The following SEMA3E variants were observed in gnomAD, a reference collection of about 807,000 sequenced individuals.
The protein encoded by SEMA3E is semaphorin-3E.
A neutral mutation model predicts 93.6 loss-of-function variants in SEMA3E; 49 were observed. The ratio of observed to expected loss-of-function variants is 0.52; its 90% CI spans 0.42 to 0.66. The LOEUF (loss-of-function observed/expected upper bound fraction) is 0.66. Among genes scored for constraint, SEMA3E ranks in the 30% least tolerant of loss-of-function variants. The probability of loss-of-function intolerance (pLI) is 0.00; values close to 1 mark genes in which losing one functional copy is unlikely to be tolerated. For synonymous variants in SEMA3E, 363 were observed against 330.7 expected, an observed-to-expected ratio of 1.10 and a Z score of -1.06; for missense variants, 906 against 964.8, an observed-to-expected ratio of 0.94 and a Z score of 0.81.
intron 2 of SEMA3E, among the ~76,000 whole-genome samples, chr7:83,474,999 A>T (rs1004241697): frequency 6.7e-6 from 1 of 149,780 alleles, no homozygotes; most frequent in East Asian, 1.9e-4. Context: ...CATATTTATT[A>T]TATATATATA....
rs551859742 is a variant in SEMA3E at position 83,539,855 on chromosome 7, C to CTCTGTGTGTGTGTG, written c.116-49582_116-49581insCACACACACACAGA. 3.3e-5 allele frequency among the ~76,000 whole-genome samples: 4 copies of CTCTGTGTGTGTGTG among 122,752 alleles called. No individual in the cohort carries two copies. The East Asian group carries it at 1.1e-3, about 33-fold the overall frequency. 80.5% of individuals were successfully genotyped at this position (122,752 alleles called of 152,430 possible). A position where few individuals can be genotyped will look rare whatever the true frequency, so the allele number is the denominator to read the frequency against. ...ACTTTTTTGTTTTGTTTTGTTGTTT[C>CTCTGTGTGTGTGTG]TGTGTGTGTGTGTGTGTGTGTGTGT... On this transcript the variant is annotated intron_variant, in intron 1 of 16. Transcript: ENST00000643230.
In SEMA3E at chr7:83,599,700, T is replaced by C. The variant is rs180824531; in HGVS notation, c.115+48728A>G. 7.6e-4 allele frequency among the ~76,000 whole-genome samples: 115 copies of C among 152,258 alleles called. 1 individual carries two copies. The Middle Eastern group carries it at 0.01, about 14-fold the overall frequency. Reference sequence around the variant, plus strand: ...ATTAAAAATCATTAGAACTACAGAATGGTATGAGCAGAATAAACAAGCCTT... The same window carrying C: ...ATTAAAAATCATTAGAACTACAGAACGGTATGAGCAGAATAAACAAGCCTT... On this transcript the variant is annotated intron_variant, in intron 1 of 16. Transcript: ENST00000643230.
chr7:83,457,997 T>C (rs1278553154), intron 4 of SEMA3E, among the ~76,000 whole-genome samples: 1 of 152,040 alleles, frequency 6.6e-6, no homozygotes, highest in Non-Finnish European at 1.5e-5. Flanking sequence ...ATAAATCTCA[T>C]ACTGCTTTTA....
At chr7:83,554,916 G>T (rs1390230704) in intron 1 of SEMA3E, among the ~76,000 whole-genome samples, 1 of 152,002 alleles carries the variant, frequency 6.6e-6, no homozygotes, top group Non-Finnish European at 1.5e-5. Context: ...GGCGGAGCTT[G>T]CAGTGAGCCA....
At chr7:83,535,154 A>G (rs1791388501) in intron 1 of SEMA3E, among the ~76,000 whole-genome samples, 1 of 152,174 alleles carries the variant, frequency 6.6e-6, no homozygotes, top group Non-Finnish European at 1.5e-5. Context: ...TGGAATTTTT[A>G]ACTTCCTATC....
At chr7:83,603,188 T>G (rs1334589142) in intron 1 of SEMA3E, among the ~76,000 whole-genome samples, 2 of 152,070 alleles carry the variant, frequency 1.3e-5, no homozygotes, top group Non-Finnish European at 2.9e-5. Flanking sequence ...AATAAAGCAT[T>G]TAGAAAGGTA....
At position 83,367,996 on chromosome 7, in the gene SEMA3E, G is replaced by A. The variant is rs1246755098; in HGVS notation, c.1918C>T (p.Leu640Phe). The A allele has an allele frequency of 6.2e-6, 10 of 1,613,912 alleles. No individual in the cohort carries two copies. The highest frequency in any genetic ancestry group is 7.6e-6 in the Non-Finnish European group (9 of 1,179,982). The change falls in exon 17 of 17, where the codon CTC becomes TTC. Residue 640 changes from leucine (L) to phenylalanine (F), a missense_variant. By Grantham distance (22) the Leu-to-Phe change is conservative (BLOSUM62 0). Transcript: ENST00000643230. The stretch of plus-strand genomic sequence containing the variant: ...TCTGATTTGTGTAACCTTAGGAAGA[G>A]TAAACCAAGGTCCATCTTAACCACT... Reference protein sequence around the residue: ...DRVVKMDLGLLFLRLHKSDAG... With the variant: ...DRVVKMDLGLFFLRLHKSDAG...
At chr7:83,488,279 T>C (rs1790308161) in intron 2 of SEMA3E, among the ~76,000 whole-genome samples, 1 of 152,078 alleles carries the variant, frequency 6.6e-6, no homozygotes. Flanking sequence ...ATGAGCATTC[T>C]CTAGAGCTGA....
intron 16 of SEMA3E, among the ~76,000 whole-genome samples, chr7:83,380,110 T>C (rs1185433507): frequency 1.3e-5 from 2 of 151,886 alleles, no homozygotes; most frequent in Non-Finnish European, 2.9e-5. Flanking sequence ...CTTCTTCTCC[T>C]GTATTATTGG....
chr7:83,511,687 C>T (rs962256621), intron 1 of SEMA3E, among the ~76,000 whole-genome samples: 4 of 151,982 alleles, frequency 2.6e-5, no homozygotes, highest in African/African-American at 9.7e-5. Context: ...GGGTTCGAGA[C>T]CAGCCTGGCC....
intron 9 of SEMA3E, among the ~76,000 whole-genome samples, chr7:83,404,127 G>A (rs1346032001): frequency 1.3e-5 from 2 of 151,916 alleles, no homozygotes; most frequent in East Asian, 3.9e-4. Flanking sequence ...GCATAAGGGA[G>A]GAGATGAAGT....
chr7:83,409,446 G>A (rs1343621977), intron 5 of SEMA3E, among the ~76,000 whole-genome samples: 1 of 152,074 alleles, frequency 6.6e-6, no homozygotes, highest in Non-Finnish European at 1.5e-5. Flanking sequence ...GCAGATTGCT[G>A]GAAACAGCAA....
At chr7:83,469,135 G>T in intron 3 of SEMA3E, 108 bp downstream of exon 3, 1 of 848,578 alleles carries the variant, frequency 1.2e-6, no homozygotes, top group Non-Finnish European at 2.0e-6. Context: ...GAACCAAATT[G>T]CATACATACT....
At chr7:83,567,443 A>G (rs957903929) in intron 1 of SEMA3E, among the ~76,000 whole-genome samples, 7 of 152,170 alleles carry the variant, frequency 4.6e-5, no homozygotes, top group Admixed American at 3.3e-4. Context: ...TCCAACAGCT[A>G]CAAAATATAC....
At chr7:83,487,069 G>T (rs1286116467) in intron 2 of SEMA3E, among the ~76,000 whole-genome samples, 5 of 151,976 alleles carry the variant, frequency 3.3e-5, no homozygotes, top group Admixed American at 1.3e-4. Flanking sequence ...CCCTTATATA[G>T]TTTTCACAGG....
In SEMA3E at chr7:83,394,326, T is replaced by C. The variant is rs1315766252; in HGVS notation, c.1471A>G (p.Ile491Val). 6.2e-7 allele frequency: 1 copy of C among 1,613,084 alleles called. No homozygotes were observed. Among genetic ancestry groups the C allele is most frequent in the African/African-American group, 1.3e-5 (1 of 74,964 alleles). The change falls in exon 13 of 17, where the codon ATT becomes GTT. Residue 491 changes from isoleucine to valine, a missense_variant. By Grantham distance (29) the Ile-to-Val change is conservative. Coordinates refer to ENST00000643230, the MANE Select transcript of SEMA3E (RefSeq NM_012431.3). Reference sequence around the variant, plus strand: ...TTTGAAGAAATCTCCATAGAAATAATAGGAACTGGATCCTGAAATTTTAAA... The same window carrying C: ...TTTGAAGAAATCTCCATAGAAATAACAGGAACTGGATCCTGAAATTTTAAA... ...ELQIFKDPVPIISMEISSKRQ... is the reference protein window; with the variant it reads ...ELQIFKDPVPVISMEISSKRQ...
intron 2 of SEMA3E, among the ~76,000 whole-genome samples, chr7:83,486,184 A>C (rs1246066801): frequency 6.6e-6 from 1 of 152,096 alleles, no homozygotes; most frequent in Non-Finnish European, 1.5e-5. Context: ...GTTTGTCTTC[A>C]TTTAGAGGGT....
intron 1 of SEMA3E, among the ~76,000 whole-genome samples, chr7:83,521,278 G>A (rs113476038): frequency 5.7e-4 from 87 of 152,134 alleles, no homozygotes; most frequent in African/African-American, 2.0e-3. Flanking sequence ...AGACAAACAG[G>A]CAGCATTGAG....
intron 4 of SEMA3E, among the ~76,000 whole-genome samples, chr7:83,433,772 A>T (rs17287452): frequency 0.091 from 13,896 of 152,138 alleles, 774 homozygotes; most frequent in East Asian, 0.15. Context: ...GACGATACAT[A>T]CCGAGCAAAT....
Sources: gnomAD v4.1 joint callset for allele counts (sites outside exome capture counted in the v4.1 genomes callset) on GRCh38, gnomAD v4.1.1 for gene constraint, MANE v1.5 for transcripts, NCBI Gene and HGNC (gene_info 2026-07-23, HGNC 2026-07-21) for gene names.